The following EFNA5 variants were observed in gnomAD, a reference collection of about 807,000 sequenced individuals.
EFNA5 encodes ephrin-A5.
Under a neutral mutation model 22.9 loss-of-function variants are expected in EFNA5, and 5 were observed. The observed-to-expected ratio is 0.22, with a 90% CI of 0.11 to 0.46. The LOEUF is 0.46. Among genes scored for constraint, EFNA5 ranks in the 20% least tolerant of loss-of-function variants. The pLI, the probability that EFNA5 is intolerant of heterozygous loss-of-function variation, is 0.99. For missense variants in EFNA5, 237 were observed against 293.3 expected (o/e 0.81, Z 1.40); for synonymous variants, 113 against 112.2 (o/e 1.01, Z -0.04).
At chr5:107,471,501 T>C (rs1270523187) in intron 1 of EFNA5, among the ~76,000 whole-genome samples, 1 of 152,244 alleles carries the variant, frequency 6.6e-6, no homozygotes, top group African/African-American at 2.4e-5. Context: ...TTTATATTCC[T>C]TGGCATTGAT....
chr5:107,576,984 C>T (rs553112433), intron 1 of EFNA5, among the ~76,000 whole-genome samples: 2 of 152,264 alleles, frequency 1.3e-5, no homozygotes, highest in African/African-American at 4.8e-5. Context: ...TCAACTTGCC[C>T]ACCTATCTCA....
chr5:107,492,954 C>T (rs376717740), intron 1 of EFNA5, among the ~76,000 whole-genome samples: 4 of 149,348 alleles, frequency 2.7e-5, no homozygotes, highest in South Asian at 2.1e-4. Context: ...GCAGAGATCA[C>T]GCCACTGCAC....
At chr5:107,582,834 C>T (rs1749099592) in intron 1 of EFNA5, among the ~76,000 whole-genome samples, 1 of 151,754 alleles carries the variant, frequency 6.6e-6, no homozygotes, top group Non-Finnish European at 1.5e-5. Context: ...AGATTAATGT[C>T]AATAATCCCA....
At chr5:107,553,882 CT>C (rs1748352883) in intron 1 of EFNA5, among the ~76,000 whole-genome samples, 3 of 152,066 alleles carry the variant, frequency 2.0e-5, no homozygotes, top group African/African-American at 7.2e-5. Context: ...TTGCATGATT[CT>C]TTGTTCTTAA....
rs1748998166 is a variant in EFNA5 at position 107,579,551 on chromosome 5, A to G, written c.125+90938T>C. Reference sequence around the variant, plus strand: ...GTCTTAAAAAGAAAAAAGAAAAAAAAAAGACCACCCTTGAATAAAATCATT... The same window carrying G: ...GTCTTAAAAAGAAAAAAGAAAAAAAGAAGACCACCCTTGAATAAAATCATT... On this transcript the variant is annotated intron_variant, in intron 1 of 4. Coordinates refer to ENST00000333274, the MANE Select transcript of EFNA5 (RefSeq NM_001962.3). Among the ~76,000 whole-genome samples the G allele has an allele frequency of 2.0e-5, 3 of 152,222 alleles. No individual in the cohort carries two copies. In the South Asian group the frequency reaches 6.2e-4, roughly 32 times the overall value.
intron 1 of EFNA5, among the ~76,000 whole-genome samples, chr5:107,641,299 A>C (rs2112544496): frequency 6.6e-6 from 1 of 152,038 alleles, no homozygotes; most frequent in East Asian, 1.9e-4. Context: ...CAAAGGTTAC[A>C]GTGAGCAGAG....
chr5:107,623,049 A>AC (rs1750071855), intron 1 of EFNA5, among the ~76,000 whole-genome samples: 1 of 149,738 alleles, frequency 6.7e-6, no homozygotes, highest in Non-Finnish European at 1.5e-5. Context: ...AAAAAAAAAA[A>AC]AAAAAAAAAG....
At chr5:107,664,323 C>A (rs1414155872) in intron 1 of EFNA5, among the ~76,000 whole-genome samples, 1 of 144,880 alleles carries the variant, frequency 6.9e-6, no homozygotes, top group African/African-American at 2.5e-5. Flanking sequence ...GGTCCTGTGT[C>A]ATTGTGCTCC....
chr5:107,400,453 C>T (rs976321168), intron 2 of EFNA5, among the ~76,000 whole-genome samples: 8 of 152,168 alleles, frequency 5.3e-5, no homozygotes, highest in East Asian at 1.9e-4. Context: ...ACCACCTAAT[C>T]GAAAGCTATC....
chr5:107,498,925 T>C (rs1452154276), intron 1 of EFNA5, among the ~76,000 whole-genome samples: 1 of 151,918 alleles, frequency 6.6e-6, no homozygotes, highest in Non-Finnish European at 1.5e-5. Flanking sequence ...GGTTGTGTCG[T>C]TGGGGCCTGT....
intron 1 of EFNA5, among the ~76,000 whole-genome samples, chr5:107,507,532 T>C (rs1263381051): frequency 6.6e-6 from 1 of 151,900 alleles, no homozygotes; most frequent in Admixed American, 6.6e-5. Flanking sequence ...GGATGAAGGG[T>C]TTGGATATAA....
intron 1 of EFNA5, among the ~76,000 whole-genome samples, chr5:107,497,481 A>G (rs1209754916): frequency 6.6e-6 from 1 of 152,240 alleles, no homozygotes; most frequent in African/African-American, 2.4e-5. Flanking sequence ...TTGAATAGAT[A>G]GAAACTTTGA....
At position 107,398,549 on chromosome 5, in the gene EFNA5, A is replaced by T. The variant is rs565672075; in HGVS notation, c.419-10778T>A. 2.6e-5 allele frequency among the ~76,000 whole-genome samples: 4 copies of T among 152,098 alleles called. No individual in the cohort carries two copies. The East Asian group carries it at 7.7e-4, about 29-fold the overall frequency. On this transcript the variant is annotated intron_variant, in intron 2 of 4. Transcript: ENST00000333274. Reference sequence around the variant, plus strand: ...ATTTGAAGAATTATTGTAGGGATTTAAAAAAAATCTGTCGAGGCCAGGCAC... The same window carrying T: ...ATTTGAAGAATTATTGTAGGGATTTTAAAAAAATCTGTCGAGGCCAGGCAC...
chr5:107,559,815 C>G (rs1748499590), intron 1 of EFNA5, among the ~76,000 whole-genome samples: 1 of 152,186 alleles, frequency 6.6e-6, no homozygotes, highest in Non-Finnish European at 1.5e-5. Flanking sequence ...ACTGATGCCT[C>G]TAGAAGAGCA....
chr5:107,518,724 A>C (rs962934309), intron 1 of EFNA5, among the ~76,000 whole-genome samples: 1 of 152,208 alleles, frequency 6.6e-6, no homozygotes, highest in Non-Finnish European at 1.5e-5. Context: ...AGATCAAGTC[A>C]TTTTAGAAAA....
intron 1 of EFNA5, among the ~76,000 whole-genome samples, chr5:107,600,767 T>C (rs991182472): frequency 1.3e-5 from 2 of 152,094 alleles, no homozygotes; most frequent in African/African-American, 4.8e-5. Flanking sequence ...GGATTACAGA[T>C]GTGAGCCACT....
intron 2 of EFNA5, among the ~76,000 whole-genome samples, chr5:107,414,554 T>C (rs922108078): frequency 2.6e-5 from 4 of 152,126 alleles, no homozygotes; most frequent in Non-Finnish European, 5.9e-5. Context: ...GAAAATAATA[T>C]GTAATACTGA....
At chr5:107,430,768 TTC>T (rs1354148775) in intron 1 of EFNA5, among the ~76,000 whole-genome samples, 5 of 50,048 alleles carry the variant, frequency 1.0e-4, no homozygotes, top group Non-Finnish European at 5.3e-5. Flanking sequence ...TATTATTTCT[TTC>T]TTTCTTTTTT....
intron 2 of EFNA5, among the ~76,000 whole-genome samples, chr5:107,397,527 G>A (rs986904638): frequency 1.1e-4 from 16 of 148,466 alleles, no homozygotes; most frequent in Non-Finnish European, 2.1e-4. Context: ...TAGTCTGGGT[G>A]ACAGAGTGAG....
Sources: allele counts gnomAD v4.1 joint callset (sites outside exome capture counted in the v4.1 genomes callset), GRCh38; gene constraint gnomAD v4.1.1; transcripts MANE v1.5; gene names NCBI Gene and HGNC (gene_info 2026-07-23, HGNC 2026-07-21).